CNTF: variants seen among roughly 807,000 people sequenced by gnomAD.
CNTF encodes the protein Ciliary Neuronotrophic Factor.
A neutral mutation model predicts 13.0 loss-of-function variants in CNTF; 14 were observed. That is an observed-to-expected ratio of 1.07 (90% confidence interval 0.71 to 1.68). The LOEUF is 1.68. Among genes scored for constraint, CNTF ranks in the 40% most tolerant of loss-of-function variants. CNTF has a pLI of 0.00. For synonymous variants in CNTF, 98 were observed against 92.4 expected (o/e 1.06, Z -0.35); for missense variants, 283 against 252.5 (o/e 1.12, Z -0.82).
chr11:58,624,285 G>C lies in CNTF; in HGVS notation c.366G>C (p.Gln122His). Residue 122 changes from glutamine to histidine, a missense_variant, in exon 2 of 2, where the codon CAG becomes CAC. Coordinates refer to ENST00000361987, the MANE Select transcript of CNTF (RefSeq NM_000614.4). ...TCCAAGTCGCTGCCTTTGCATACCA[G>C]ATAGAGGAGTTAATGATACTCCTGG... ...LLLQVAAFAY[Q>H]IEELMILLEY... The C allele has an allele frequency of 6.2e-7, 1 of 1,613,896 alleles. No individual in the cohort carries two copies. Among genetic ancestry groups the C allele is most frequent in the Non-Finnish European group, 8.5e-7 (1 of 1,179,972 alleles).
chr11:58,624,147 C>A lies in CNTF; in HGVS notation c.228C>A (p.Asn76Lys). 1 of 1,613,924 alleles carries A rather than the reference C, an allele frequency of 6.2e-7. No individual in the cohort carries two copies. Among genetic ancestry groups the A allele is most frequent in the African/African-American group, 1.3e-5 (1 of 74,992 alleles). Reference protein sequence around the residue: ...ELTEAERLQENLQAYRTFHVL... With the variant: ...ELTEAERLQEKLQAYRTFHVL... ...CCGAGGCAGAGCGACTCCAAGAGAACCTTCAAGCTTATCGTACCTTCCATG... is the reference window on the plus strand; with the variant it reads ...CCGAGGCAGAGCGACTCCAAGAGAAACTTCAAGCTTATCGTACCTTCCATG... Residue 76 changes from asparagine to lysine, a missense_variant, in exon 2 of 2, where the codon AAC becomes AAA. Coordinates refer to ENST00000361987, the MANE Select transcript of CNTF (RefSeq NM_000614.4).
rs1481709375 is a variant in CNTF, at chr11:58,625,653, A to G, written c.*1131A>G. 1 of 152,168 alleles carries G rather than the reference A, an allele frequency of 6.6e-6. No individual in the cohort carries two copies. The highest frequency in any genetic ancestry group is 3.2e-3 in the Middle Eastern group (1 of 316). 9.4% of individuals were successfully genotyped at this position (152,168 alleles called of 1,614,324 possible). On this transcript the variant is annotated 3_prime_UTR_variant, in exon 2 of 2. Transcript: ENST00000361987. ...ATTTTCTGGACTTAGTCATGAGGAGAGGGTGAGGCCCACTCTGTTCCTACT... is the reference window on the plus strand; with the variant it reads ...ATTTTCTGGACTTAGTCATGAGGAGGGGGTGAGGCCCACTCTGTTCCTACT...
Position 58,622,673 on chromosome 11 carries a change from A to C in CNTF, c.-80A>C. On this transcript the variant is annotated 5_prime_UTR_variant, in exon 1 of 2. Coordinates refer to ENST00000361987, the MANE Select transcript of CNTF (RefSeq NM_000614.4). ...GAATGCCCAGTGGGTTTAGTCTTTG[A>C]GAGTCACATCTCTTATTTGGACCAG... 9.7e-7 allele frequency: 1 copy of C among 1,036,134 alleles called. No individual in the cohort carries two copies. The highest frequency in any genetic ancestry group is 1.5e-6 in the Non-Finnish European group (1 of 667,662). The allele number at this position is 1,036,134 out of a possible 1,614,324, so 64.2% of individuals were successfully genotyped here.
At position 58,624,637 on chromosome 11, in the gene CNTF, C is replaced by A; in HGVS notation, c.*115C>A. On this transcript the variant is annotated 3_prime_UTR_variant, in exon 2 of 2. Transcript: ENST00000361987. ...AAACAGTTAAGACAACAGGCATTTT[C>A]TTTCTTTTTTCTCTGACCACCTGCA... is the stretch of plus-strand genomic sequence containing the variant. 1 of 1,342,462 alleles carries A rather than the reference C, an allele frequency of 7.4e-7. No individual in the cohort carries two copies. Among genetic ancestry groups the A allele is most frequent in the Non-Finnish European group, 1.0e-6 (1 of 963,464 alleles). The allele number at this position is 1,342,462 out of a possible 1,614,324, so 83.2% of individuals were successfully genotyped here. A position where few individuals can be genotyped will look rare whatever the true frequency, so the allele number is the denominator to read the frequency against.
rs1275636087 is a variant in CNTF, at chr11:58,624,253, C to G, written c.334C>G (p.Leu112Val). ...EGDFHQAIHTLLLQVAAFAYQ... is the reference protein window; with the variant it reads ...EGDFHQAIHTVLLQVAAFAYQ... ...TGACTTCCATCAAGCTATACATACCCTTCTTCTCCAAGTCGCTGCCTTTGC... is the reference window on the plus strand; with the variant it reads ...TGACTTCCATCAAGCTATACATACCGTTCTTCTCCAAGTCGCTGCCTTTGC... The change falls in exon 2 of 2, where the codon CTT (leucine) becomes GTT (valine). Residue 112 changes from leucine (L) to valine (V), a missense_variant. By Grantham distance (32) the Leu-to-Val change is conservative (BLOSUM62 1). Transcript: ENST00000361987. 1.2e-6 allele frequency: 2 copies of G among 1,613,920 alleles called. No individual in the cohort carries two copies. Among genetic ancestry groups the G allele is most frequent in the South Asian group, 2.2e-5 (2 of 91,082 alleles).
rs752748277 is a variant in CNTF, at chr11:58,624,510, C to G, written c.591C>G (p.Asn197Lys). 41 of 1,613,820 alleles carry G rather than the reference C, an allele frequency of 2.5e-5. No homozygotes were observed. The highest frequency in any genetic ancestry group is 3.4e-5 in the Non-Finnish European group (40 of 1,179,968). The change falls in exon 2 of 2, where the codon AAC (asparagine) becomes AAG (lysine). Residue 197 changes from asparagine to lysine, a missense_variant. Coordinates refer to ENST00000361987, the MANE Select transcript of CNTF (RefSeq NM_000614.4). ...PARGSHYIAN[N>K]KKM Reference sequence around the variant, plus strand: ...GTGGGAGCCATTATATTGCTAACAACAAGAAAATGTAGCAGTTAGTCCCTT... The same window carrying G: ...GTGGGAGCCATTATATTGCTAACAAGAAGAAAATGTAGCAGTTAGTCCCTT...
chr11:58,624,241 G>A lies in CNTF; in HGVS notation c.322G>A (p.Ala108Thr), dbSNP rs1304835114. The A allele has an allele frequency of 1.2e-6, 2 of 1,613,952 alleles. No homozygotes were observed. The highest frequency in any genetic ancestry group is 1.7e-6 in the Non-Finnish European group (2 of 1,179,980). ...FTPTEGDFHQ[A>T]IHTLLLQVAA... ...CCCAACCGAAGGTGACTTCCATCAA[G>A]CTATACATACCCTTCTTCTCCAAGT... The change falls in exon 2 of 2, where the codon GCT becomes ACT. Residue 108 changes from alanine (A) to threonine (T), a missense_variant. Ala to Thr is a moderately conservative substitution (Grantham distance 58). Coordinates refer to ENST00000361987, the MANE Select transcript of CNTF (RefSeq NM_000614.4).
Position 58,624,188 on chromosome 11 carries a change from T to C in CNTF, c.269T>C (p.Leu90Pro), listed in dbSNP as rs1855894624. Residue 90 changes from leucine to proline, a missense_variant, in exon 2 of 2, where the codon CTC (leucine) becomes CCC (proline). Leu to Pro is a moderately conservative substitution (Grantham distance 98). Coordinates refer to ENST00000361987, the MANE Select transcript of CNTF (RefSeq NM_000614.4). Reference sequence around the variant, plus strand: ...ACCTTCCATGTTTTGTTGGCCAGGCTCTTAGAAGACCAGCAGGTGCATTTT... The same window carrying C: ...ACCTTCCATGTTTTGTTGGCCAGGCCCTTAGAAGACCAGCAGGTGCATTTT... ...YRTFHVLLAR[L>P]LEDQQVHFTP... is the part of the protein sequence containing the mutation. 3 of 1,613,954 alleles carry C rather than the reference T, an allele frequency of 1.9e-6. No individual in the cohort carries two copies. The highest frequency in any genetic ancestry group is 2.2e-5 in the East Asian group (1 of 44,882).
rs906476051 is a variant in CNTF at position 58,624,234 on chromosome 11, C to T, written c.315C>T (p.Phe105=). ...QVHFTPTEGD[F]HQAIHTLLLQ... is the part of the protein sequence containing the mutation. The stretch of plus-strand genomic sequence containing the variant: ...ATTTTACCCCAACCGAAGGTGACTT[C>T]CATCAAGCTATACATACCCTTCTTC... Residue 105 remains phenylalanine (F), a synonymous_variant, in exon 2 of 2, where the codon TTC becomes TTT. Coordinates refer to ENST00000361987, the MANE Select transcript of CNTF (RefSeq NM_000614.4). 1.2e-6 allele frequency: 2 copies of T among 1,613,874 alleles called. No individual in the cohort carries two copies. The highest frequency in any genetic ancestry group is 2.7e-5 in the African/African-American group (2 of 74,856).
intron 1 of CNTF, 67 bp from the exon 2 acceptor site, chr11:58,623,967 T>C: frequency 6.4e-7 from 1 of 1,561,330 alleles, no homozygotes; most frequent in Non-Finnish European, 8.6e-7. Context: ...TGTATGAAAT[T>C]TAGGGGTGAT....
chr11:58,624,510 CAAG>C lies in CNTF; in HGVS notation c.594_596del (p.Lys199del). The C allele has an allele frequency of 6.2e-7, 1 of 1,613,938 alleles. No individual in the cohort carries two copies. Among genetic ancestry groups the C allele is most frequent in the Non-Finnish European group, 8.5e-7 (1 of 1,179,960 alleles). On this transcript the variant is annotated inframe_deletion, in exon 2 of 2. Coordinates refer to ENST00000361987, the MANE Select transcript of CNTF (RefSeq NM_000614.4). ...GTGGGAGCCATTATATTGCTAACAACAAGAAAATGTAGCAGTTAGTCCCTTCTC... is the reference window on the plus strand; with the variant it reads ...GTGGGAGCCATTATATTGCTAACAACAAAATGTAGCAGTTAGTCCCTTCTC...
chr11:58,623,810 T>G (rs1855886893), intron 1 of CNTF, among the ~76,000 whole-genome samples: 1 of 152,200 alleles, frequency 6.6e-6, no homozygotes. Flanking sequence ...CTGAACATTC[T>G]TCTAAGAAAA....
At chr11:58,623,960 A>T (rs541933589) in intron 1 of CNTF, 74 bp from the exon 2 acceptor site, 196 of 1,548,108 alleles carry the variant, frequency 1.3e-4, no homozygotes, top group Non-Finnish European at 1.6e-4. Context: ...GAGATTTTGT[A>T]TGAAATTTAG....
At chr11:58,623,433 C>G (rs961236479) in intron 1 of CNTF, among the ~76,000 whole-genome samples, 9 of 152,214 alleles carry the variant, frequency 5.9e-5, no homozygotes, top group Non-Finnish European at 1.3e-4. Flanking sequence ...AATTCTTGAG[C>G]TAATTCTGGA....
At position 58,624,312 on chromosome 11, in the gene CNTF, A is replaced by G. The variant is rs1328608413; in HGVS notation, c.393A>G (p.Glu131=). The change falls in exon 2 of 2, where the codon GAA becomes GAG. Residue 131 remains glutamate (E), a synonymous_variant. Coordinates refer to ENST00000361987, the MANE Select transcript of CNTF (RefSeq NM_000614.4). ...TAGAGGAGTTAATGATACTCCTGGAATACAAGATCCCCCGCAATGAGGCTG... is the reference window on the plus strand; with the variant it reads ...TAGAGGAGTTAATGATACTCCTGGAGTACAAGATCCCCCGCAATGAGGCTG... ...YQIEELMILL[E]YKIPRNEADG... is the part of the protein sequence containing the mutation. 9 of 1,613,692 alleles carry G rather than the reference A, an allele frequency of 5.6e-6. No homozygotes were observed. The East Asian group carries it at 1.3e-4, about 24-fold the overall frequency.
At chr11:58,623,828 G>A (rs1170259739) in intron 1 of CNTF, among the ~76,000 whole-genome samples, 1 of 152,144 alleles carries the variant, frequency 6.6e-6, no homozygotes, top group Non-Finnish European at 1.5e-5. Context: ...AAAATCCATA[G>A]GTAGTCAATT....
chr11:58,622,717 C>A lies in CNTF; in HGVS notation c.-36C>A. ...GGACCAGTATAGACAGAAGTAAACC[C>A]AGCTGACTTGTTTCCTGGGACAGTT... On this transcript the variant is annotated 5_prime_UTR_variant, in exon 1 of 2. Coordinates refer to ENST00000361987, the MANE Select transcript of CNTF (RefSeq NM_000614.4). 1 of 1,492,302 alleles carries A rather than the reference C, an allele frequency of 6.7e-7. No homozygotes were observed. The highest frequency in any genetic ancestry group is 9.3e-7 in the Non-Finnish European group (1 of 1,070,140). 92.4% of individuals were successfully genotyped at this position (1,492,302 alleles called of 1,614,324 possible).
Position 58,624,475 on chromosome 11 carries a change from A to G in CNTF, c.556A>G (p.Ile186Val), listed in dbSNP as rs1198214641. The G allele has an allele frequency of 6.2e-7, 1 of 1,614,042 alleles. No individual in the cohort carries two copies. The change falls in exon 2 of 2, where the codon ATC becomes GTC. Residue 186 changes from isoleucine to valine, a missense_variant. Coordinates refer to ENST00000361987, the MANE Select transcript of CNTF (RefSeq NM_000614.4). ...TTTCATTTCTTCTCATCAGACTGGGATCCCAGCACGTGGGAGCCATTATAT... is the reference window on the plus strand; with the variant it reads ...TTTCATTTCTTCTCATCAGACTGGGGTCCCAGCACGTGGGAGCCATTATAT... ...LRFISSHQTG[I>V]PARGSHYIAN...
In CNTF at chr11:58,624,071, A is replaced by G. The variant is rs1379683508; in HGVS notation, c.152A>G (p.Asp51Gly). ...GGCCTGAACAAGAACATCAACCTGGACTCTGCGGATGGGATGCCAGTGGCA... is the reference window on the plus strand; with the variant it reads ...GGCCTGAACAAGAACATCAACCTGGGCTCTGCGGATGGGATGCCAGTGGCA... Reference protein sequence around the residue: ...HQGLNKNINLDSADGMPVAST... With the variant: ...HQGLNKNINLGSADGMPVAST... Residue 51 changes from aspartate (D) to glycine (G), a missense_variant, in exon 2 of 2, where the codon GAC (aspartate) becomes GGC (glycine). Coordinates refer to ENST00000361987, the MANE Select transcript of CNTF (RefSeq NM_000614.4). The G allele has an allele frequency of 6.2e-7, 1 of 1,611,746 alleles. No homozygotes were observed. The highest frequency in any genetic ancestry group is 1.3e-5 in the African/African-American group (1 of 74,810).
Sources: gnomAD v4.1 joint callset for allele counts (sites outside exome capture counted in the v4.1 genomes callset) on GRCh38, gnomAD v4.1.1 for gene constraint, MANE v1.5 for transcripts, NCBI Gene and HGNC (gene_info 2026-07-23, HGNC 2026-07-21) for gene names.